The following ITSN2 variants were observed in gnomAD, a reference collection of about 807,000 sequenced individuals.
ITSN2 encodes intersectin-2.
A neutral mutation model predicts 243.7 loss-of-function variants in ITSN2; 156 were observed. The ratio of observed to expected loss-of-function variants is 0.64; its 90% confidence interval spans 0.56 to 0.73. The LOEUF (loss-of-function observed/expected upper bound fraction) is 0.73. Among genes scored for constraint, ITSN2 ranks in the 30% least tolerant of loss-of-function variants. ITSN2 has a pLI of 0.00. For synonymous variants in ITSN2, 703 were observed against 699.9 expected (o/e 1.00, Z -0.07); for missense variants, 1,801 against 1,996.1 (o/e 0.90, Z 1.86).
intron 7 of ITSN2, among the ~76,000 whole-genome samples, chr2:24,309,407 C>G (rs1456236842): frequency 1.3e-5 from 2 of 152,152 alleles, no homozygotes; most frequent in East Asian, 3.9e-4. Flanking sequence ...CCATGTTGCC[C>G]CAGGCTGGTC....
chr2:24,307,623 C>T (rs1379546756), intron 8 of ITSN2, among the ~76,000 whole-genome samples: 1 of 152,108 alleles, frequency 6.6e-6, no homozygotes, highest in Admixed American at 6.5e-5. Flanking sequence ...AATTCCCTTG[C>T]TTTAAAAAAT....
intron 8 of ITSN2, among the ~76,000 whole-genome samples, chr2:24,304,571 C>T (rs913955887): frequency 1.3e-5 from 2 of 152,054 alleles, no homozygotes; most frequent in African/African-American, 4.8e-5. Context: ...ATTAATTACT[C>T]CTCAGATTTC....
chr2:24,312,000 A>C (rs576604838), intron 5 of ITSN2, among the ~76,000 whole-genome samples: 43 of 152,286 alleles, frequency 2.8e-4, no homozygotes, highest in Non-Finnish European at 5.7e-4. Context: ...GCCAGGACAA[A>C]AGGCATAAAT....
At chr2:24,213,606 G>C (rs868738526) in intron 32 of ITSN2, among the ~76,000 whole-genome samples, 1 of 152,104 alleles carries the variant, frequency 6.6e-6, no homozygotes, top group Non-Finnish European at 1.5e-5. Context: ...ACAGCTTATT[G>C]CTAGATTTTG....
At chr2:24,346,687 C>G (rs1182827282) in intron 1 of ITSN2, among the ~76,000 whole-genome samples, 1 of 152,042 alleles carries the variant, frequency 6.6e-6, no homozygotes, top group Non-Finnish European at 1.5e-5. Flanking sequence ...TATGGGAACT[C>G]TGTTCTACTC....
chr2:24,334,717 G>T, intron 1 of ITSN2: 2 of 1,586,094 alleles, frequency 1.3e-6, no homozygotes, highest in Admixed American at 1.7e-5. Flanking sequence ...TTGTGCTAAG[G>T]CTTGAGTGCG....
At position 24,212,883 on chromosome 2, in the gene ITSN2, T is replaced by G. The variant is rs960995857; in HGVS notation, c.3991-135A>C. 3 of 714,636 alleles carry G rather than the reference T, an allele frequency of 4.2e-6. No individual in the cohort carries two copies. In the African/African-American group the frequency reaches 5.4e-5, roughly 13 times the overall value. 44.3% of individuals were successfully genotyped at this position (714,636 alleles called of 1,614,324 possible). On this transcript the variant is annotated intron_variant, in intron 32 of 39. Transcript: ENST00000355123. ...CCCTGTCTTACTGTTTTAGAATTTT[T>G]TTTAGGTGAGTGTTCTATTTTTTAT... is the stretch of plus-strand genomic sequence containing the variant.
At chr2:24,276,990 C>T (rs1011541062) in intron 17 of ITSN2, among the ~76,000 whole-genome samples, 1 of 152,310 alleles carries the variant, frequency 6.6e-6, no homozygotes, top group Non-Finnish European at 1.5e-5. Flanking sequence ...AGAAAGGGTA[C>T]TATAGAAGCT....
chr2:24,355,506 G>C (rs566107054), intron 1 of ITSN2, among the ~76,000 whole-genome samples: 1 of 152,294 alleles, frequency 6.6e-6, no homozygotes, highest in Non-Finnish European at 1.5e-5. Flanking sequence ...TCTGTAAATG[G>C]TGCTGGGAAA....
At chr2:24,282,256 G>A (rs186982466) in intron 17 of ITSN2, among the ~76,000 whole-genome samples, 53 of 152,302 alleles carry the variant, frequency 3.5e-4, no homozygotes, top group African/African-American at 1.1e-3. Context: ...AGAGCACGCC[G>A]GTGGAAGAGC....
At chr2:24,209,557 A>G (rs1440159284) in intron 35 of ITSN2, among the ~76,000 whole-genome samples, 1 of 152,204 alleles carries the variant, frequency 6.6e-6, no homozygotes, top group South Asian at 2.1e-4. Context: ...TGCTGAATGC[A>G]CACAGTGGTG....
chr2:24,299,665 T>C (rs759367682), intron 12 of ITSN2, among the ~76,000 whole-genome samples: 46 of 152,196 alleles, frequency 3.0e-4, no homozygotes, highest in Non-Finnish European at 6.2e-4. Context: ...CCTCCTTTGA[T>C]TGAGATATCA....
intron 24 of ITSN2, among the ~76,000 whole-genome samples, chr2:24,253,865 A>T (rs1300057769): frequency 6.6e-6 from 1 of 152,208 alleles, no homozygotes; most frequent in Non-Finnish European, 1.5e-5. Flanking sequence ...TATCCTCTGA[A>T]ATTAGGGTAA....
intron 29 of ITSN2, among the ~76,000 whole-genome samples, chr2:24,223,422 T>C (rs1167901284): frequency 1.3e-5 from 2 of 152,004 alleles, no homozygotes; most frequent in Non-Finnish European, 2.9e-5. Flanking sequence ...GTGGTGCCTG[T>C]AATCCCAGCA....
At chr2:24,218,258 AGAG>A (rs775334236) in intron 30 of ITSN2, among the ~76,000 whole-genome samples, 1 of 152,338 alleles carries the variant, frequency 6.6e-6, no homozygotes, top group East Asian at 1.9e-4. Flanking sequence ...AATCTGGTTA[AGAG>A]GAGATTTTCA....
Position 24,301,957 on chromosome 2 carries a change from A to G in ITSN2, c.995+8T>C, listed in dbSNP as rs1681810640. The G allele has an allele frequency of 6.2e-7, 1 of 1,603,418 alleles. No homozygotes were observed. Among genetic ancestry groups the G allele is most frequent in the Non-Finnish European group, 8.5e-7 (1 of 1,174,558 alleles). On this transcript the variant is annotated splice_region_variant and intron_variant, in intron 10 of 39. Coordinates refer to ENST00000355123, the MANE Select transcript of ITSN2 (RefSeq NM_006277.3). Reference sequence around the variant, plus strand: ...AAACCATAGTTCTCCACCTCCAGGCACACTCACCTGAAAGATGGAGGAACA... The same window carrying G: ...AAACCATAGTTCTCCACCTCCAGGCGCACTCACCTGAAAGATGGAGGAACA...
At chr2:24,221,889 T>G (rs533911572) in intron 29 of ITSN2, among the ~76,000 whole-genome samples, 11 of 152,246 alleles carry the variant, frequency 7.2e-5, no homozygotes, top group African/African-American at 2.4e-4. Context: ...ACTTAACAAG[T>G]AGCTGAGGGC....
At chr2:24,333,659 T>C (rs1404262809) in intron 1 of ITSN2, among the ~76,000 whole-genome samples, 2 of 152,158 alleles carry the variant, frequency 1.3e-5, no homozygotes, top group Non-Finnish European at 2.9e-5. Context: ...ATTGGGTAAA[T>C]AGTAGGCATA....
intron 14 of ITSN2, among the ~76,000 whole-genome samples, chr2:24,295,253 A>T (rs1680791130): frequency 6.6e-6 from 1 of 152,200 alleles, no homozygotes; most frequent in Non-Finnish European, 1.5e-5. Flanking sequence ...TCACAAGCCT[A>T]TCAAAGACTC....
Sources: gnomAD v4.1 joint callset for allele counts (sites outside exome capture counted in the v4.1 genomes callset) on GRCh38, gnomAD v4.1.1 for gene constraint, MANE v1.5 for transcripts, NCBI Gene and HGNC (gene_info 2026-07-23, HGNC 2026-07-21) for gene names.